Variants in KLHDC7B observed in about 807,000 individuals in gnomAD.
KLHDC7B encodes the protein kelch domain-containing protein 7B.
Under a neutral mutation model 0.6 loss-of-function variants are expected in KLHDC7B, and 1 was observed. The observed-to-expected ratio is 1.71, with a 90% CI of 0.61 to 8.11. The LOEUF is 8.11. Among genes scored for constraint, KLHDC7B ranks in the 30% most tolerant of loss-of-function variants. KLHDC7B has a pLI of 0.13. For missense variants in KLHDC7B, 993 were observed against 894.9 expected, an observed-to-expected ratio of 1.11 and a Z score of -1.40; for synonymous variants, 462 against 405.2, an observed-to-expected ratio of 1.14 and a Z score of -1.68.
rs2069768211 is a variant in KLHDC7B at position 50,548,900 on chromosome 22, T to G, written c.2657T>G (p.Leu886Arg). ...EPGLAQETYA[L>R]MSDNLLRVLG... ...GGCCTGGCGCAGGAGACCTACGCGC[T>G]GATGAGCGACAACCTGCTGCGAGTG... Residue 886 changes from leucine to arginine, a missense_variant, in exon 1 of 1, where the codon CTG becomes CGG. Coordinates refer to ENST00000648057, the MANE Select transcript of KLHDC7B (RefSeq NM_138433.5). This position sits in a 1 kb window ranked among gnomAD's most constrained non-coding sequence, Gnocchi z 5.3. 6.3e-7 allele frequency: 1 copy of G among 1,587,264 alleles called. No individual in the cohort carries two copies. The highest frequency in any genetic ancestry group is 1.3e-5 in the African/African-American group (1 of 74,274).
At position 50,549,195 on chromosome 22, in the gene KLHDC7B, G is replaced by A. The variant is rs775602194; in HGVS notation, c.2952G>A (p.Pro984=). 2.6e-5 allele frequency: 42 copies of A among 1,606,236 alleles called. No homozygotes were observed. Among genetic ancestry groups the A allele is most frequent in the Admixed American group, 3.3e-5 (2 of 59,992 alleles). Residue 984 remains proline, a synonymous_variant, in exon 1 of 1, where the codon CCG becomes CCA. Coordinates refer to ENST00000648057, the MANE Select transcript of KLHDC7B (RefSeq NM_138433.5). The part of the protein sequence containing the change: ...RPLTQVPEEA[P]LRGCGLCTMH... Reference sequence around the variant, plus strand: ...TGACCCAGGTGCCCGAGGAGGCCCCGCTTCGGGGCTGCGGTCTCTGCACCA... The same window carrying A: ...TGACCCAGGTGCCCGAGGAGGCCCCACTTCGGGGCTGCGGTCTCTGCACCA...
chr22:50,548,366 G>C lies in KLHDC7B; in HGVS notation c.2123G>C (p.Ser708Thr). 6.4e-7 allele frequency: 1 copy of C among 1,551,500 alleles called. No individual in the cohort carries two copies. The highest frequency in any genetic ancestry group is 8.7e-7 in the Non-Finnish European group (1 of 1,147,214). The part of the protein sequence containing the change: ...VEAGGQPQPR[S>T]SETNGSPSPD... ...GCTGGAGGTCAGCCACAGCCAAGAA[G>C]CTCCGAGACCAACGGATCGCCCAGC... Residue 708 changes from serine to threonine, a missense_variant, in exon 1 of 1, where the codon AGC (serine) becomes ACC (threonine). Physicochemically the swap from Ser to Thr is moderately conservative, Grantham distance 58 (BLOSUM62 1). Coordinates refer to ENST00000648057, the MANE Select transcript of KLHDC7B (RefSeq NM_138433.5). This position sits in a 1 kb window ranked among gnomAD's most constrained non-coding sequence, Gnocchi z 5.3.
rs950910982 is a variant in KLHDC7B at position 50,547,132 on chromosome 22, C to T, written c.889C>T (p.Leu297=). 1.3e-5 allele frequency among the ~76,000 whole-genome samples: 2 copies of T among 152,032 alleles called. No homozygotes were observed. Among genetic ancestry groups the T allele is most frequent in the African/African-American group, 4.8e-5 (2 of 41,434 alleles). The stretch of plus-strand genomic sequence containing the variant: ...CCCGGCGCTGCCCGCTCCCCGCGCC[C>T]TGCAGCCTGGGTCTCAGACGGAAGG... The part of the protein sequence containing the change: ...ALPALPAPRA[L]QPGSQTEGSG... Residue 297 remains leucine, a synonymous_variant, in exon 1 of 1, where the codon CTG becomes TTG. Transcript: ENST00000648057.
Position 50,549,898 on chromosome 22 carries a change from A to T in KLHDC7B, c.3655A>T (p.Ser1219Cys). Residue 1219 changes from serine (S) to cysteine (C), a missense_variant, in exon 1 of 1, where the codon AGT (serine) becomes TGT (cysteine). Coordinates refer to ENST00000648057, the MANE Select transcript of KLHDC7B (RefSeq NM_138433.5). ...CCCCTTGGGGAGCACCGGGGTCCTC[A>T]GTCCATTCATCCTGACTCTGCCCCC... is the stretch of plus-strand genomic sequence containing the variant. ...PFPLGSTGVL[S>C]PFILTLPPED... The T allele has an allele frequency of 6.3e-7, 1 of 1,590,066 alleles. No individual in the cohort carries two copies. The highest frequency in any genetic ancestry group is 8.6e-7 in the Non-Finnish European group (1 of 1,166,748).
rs1220068096 is a variant in KLHDC7B at position 50,545,965 on chromosome 22, G to A, written c.-279G>A. On this transcript the variant is annotated 5_prime_UTR_variant, in exon 1 of 1. Coordinates refer to ENST00000648057, the MANE Select transcript of KLHDC7B (RefSeq NM_138433.5). ...GCTGCCTGAGGACCCTGGGGCCTAC[G>A]AGGAGGAGAAGAGGGCAGGAGCTGG... Among the ~76,000 whole-genome samples the A allele has an allele frequency of 1.4e-5, 2 of 141,690 alleles. No homozygotes were observed. Among genetic ancestry groups the A allele is most frequent in the Admixed American group, 1.4e-4 (2 of 13,970 alleles). 93.0% of individuals were successfully genotyped at this position (141,690 alleles called of 152,430 possible).
Position 50,549,402 on chromosome 22 carries a change from C to A in KLHDC7B, c.3159C>A (p.Gly1053=), listed in dbSNP as rs769685749. The change falls in exon 1 of 1, where the codon GGC becomes GGA. Residue 1053 remains glycine, a synonymous_variant. Transcript: ENST00000648057. ...ACGGGCTGCTCTATGCCATCGGTGG[C>A]GAATGCCTGTACAGCATGGAGTGCT... ...ALDGLLYAIG[G]ECLYSMECYD... 7.8e-5 allele frequency: 126 copies of A among 1,612,734 alleles called. No individual in the cohort carries two copies. The highest frequency in any genetic ancestry group is 5.0e-4 in the Middle Eastern group (3 of 6,060).
rs200266688 is a variant in KLHDC7B, at chr22:50,549,587, A to G, written c.3344A>G (p.Asp1115Gly). The G allele has an allele frequency of 1.5e-5, 24 of 1,572,284 alleles. No individual in the cohort carries two copies. The African/African-American group carries it at 2.6e-4, about 17-fold the overall frequency. ...TACAGCCCCGTGAAGGATGCTTGGG[A>G]CGAGTGCCCATACAGTGCCAGCCAC... is the stretch of plus-strand genomic sequence containing the variant. ...LRYSPVKDAW[D>G]ECPYSASHRR... Residue 1115 changes from aspartate to glycine, a missense_variant, in exon 1 of 1, where the codon GAC (aspartate) becomes GGC (glycine). Asp to Gly is a moderately conservative substitution (Grantham distance 94). Transcript: ENST00000648057.
At position 50,548,629 on chromosome 22, in the gene KLHDC7B, C is replaced by G. The variant is rs758786313; in HGVS notation, c.2386C>G (p.Gln796Glu). The G allele has an allele frequency of 7.8e-5, 120 of 1,536,710 alleles. No homozygotes were observed. In the East Asian group the frequency reaches 2.9e-3, roughly 38 times the overall value. ...EVRPAASGDP[Q>E]GEAPGEGGSP... ...CAGGCCGGCCGCCTCGGGGGACCCT[C>G]AAGGGGAGGCGCCGGGGGAGGGGGG... The change falls in exon 1 of 1, where the codon CAA (glutamine) becomes GAA (glutamate). Residue 796 changes from glutamine (Q) to glutamate (E), a missense_variant. Transcript: ENST00000648057. This position sits in a 1 kb window ranked among gnomAD's most constrained non-coding sequence, Gnocchi z 5.3.
In KLHDC7B at chr22:50,549,408, C is replaced by T. The variant is rs574329986; in HGVS notation, c.3165C>T (p.Cys1055=). 2.7e-5 allele frequency: 44 copies of T among 1,612,780 alleles called. No homozygotes were observed. The South Asian group carries it at 4.5e-4, about 16-fold the overall frequency. ...DGLLYAIGGE[C]LYSMECYDPR... is the part of the protein sequence containing the mutation. The stretch of plus-strand genomic sequence containing the variant: ...TGCTCTATGCCATCGGTGGCGAATG[C>T]CTGTACAGCATGGAGTGCTACGACC... Residue 1055 remains cysteine (C), a synonymous_variant, in exon 1 of 1, where the codon TGC becomes TGT. Coordinates refer to ENST00000648057, the MANE Select transcript of KLHDC7B (RefSeq NM_138433.5).
Position 50,549,183 on chromosome 22 carries a change from C to T in KLHDC7B, c.2940C>T (p.Pro980=), listed in dbSNP as rs936152082. The change falls in exon 1 of 1, where the codon CCC becomes CCT. Residue 980 remains proline (P), a synonymous_variant. Transcript: ENST00000648057. Reference sequence around the variant, plus strand: ...CCTGGCGGCCCCTGACCCAGGTGCCCGAGGAGGCCCCGCTTCGGGGCTGCG... The same window carrying T: ...CCTGGCGGCCCCTGACCCAGGTGCCTGAGGAGGCCCCGCTTCGGGGCTGCG... The part of the protein sequence containing the change: ...ENTWRPLTQV[P]EEAPLRGCGL... 12 of 1,605,538 alleles carry T rather than the reference C, an allele frequency of 7.5e-6. No individual in the cohort carries two copies. The highest frequency in any genetic ancestry group is 1.0e-5 in the Non-Finnish European group (12 of 1,179,692).
rs1312568150 is a variant in KLHDC7B, at chr22:50,548,492, C to G, written c.2249C>G (p.Ala750Gly). The G allele has an allele frequency of 6.4e-7, 1 of 1,564,582 alleles. No individual in the cohort carries two copies. The highest frequency in any genetic ancestry group is 1.9e-5 in the Admixed American group (1 of 52,406). ...AMPRGPAQPP[A>G]QRPPGPAASS... ...CCCAGGGGCCCCGCACAGCCCCCCG[C>G]GCAGAGGCCGCCTGGCCCCGCGGCC... The change falls in exon 1 of 1, where the codon GCG (alanine) becomes GGG (glycine). Residue 750 changes from alanine to glycine, a missense_variant. Ala to Gly is a moderately conservative substitution (Grantham distance 60). Transcript: ENST00000648057. The surrounding 1 kb of genome is among the most constrained non-coding windows in gnomAD (Gnocchi z 5.3).
chr22:50,548,620 G>A lies in KLHDC7B; in HGVS notation c.2377G>A (p.Gly793Arg). 1 of 1,542,994 alleles carries A rather than the reference G, an allele frequency of 6.5e-7. No homozygotes were observed. ...GCAGGAGGTCAGGCCGGCCGCCTCG[G>A]GGGACCCTCAAGGGGAGGCGCCGGG... ...SEQEVRPAAS[G>R]DPQGEAPGEG... Residue 793 changes from glycine to arginine, a missense_variant, in exon 1 of 1, where the codon GGG (glycine) becomes AGG (arginine). Gly to Arg is a moderately radical substitution (Grantham distance 125). Coordinates refer to ENST00000648057, the MANE Select transcript of KLHDC7B (RefSeq NM_138433.5). This position sits in a 1 kb window ranked among gnomAD's most constrained non-coding sequence, Gnocchi z 5.3.
chr22:50,549,401 G>A lies in KLHDC7B; in HGVS notation c.3158G>A (p.Gly1053Asp). ...GACGGGCTGCTCTATGCCATCGGTG[G>A]CGAATGCCTGTACAGCATGGAGTGC... ...ALDGLLYAIGGECLYSMECYD... is the reference protein window; with the variant it reads ...ALDGLLYAIGDECLYSMECYD... The change falls in exon 1 of 1, where the codon GGC (glycine) becomes GAC (aspartate). Residue 1053 changes from glycine (G) to aspartate (D), a missense_variant. Coordinates refer to ENST00000648057, the MANE Select transcript of KLHDC7B (RefSeq NM_138433.5). The A allele has an allele frequency of 6.2e-7, 1 of 1,612,772 alleles. No homozygotes were observed.
In KLHDC7B at chr22:50,546,895, G is replaced by T. The variant is rs905051371; in HGVS notation, c.652G>T (p.Ala218Ser). Among the ~76,000 whole-genome samples the T allele has an allele frequency of 6.6e-6, 1 of 151,984 alleles. No homozygotes were observed. Among genetic ancestry groups the T allele is most frequent in the African/African-American group, 2.4e-5 (1 of 41,408 alleles). ...QQDTGPWQAG[A>S]GPSGSMGRGR... Reference sequence around the variant, plus strand: ...GGACACTGGCCCCTGGCAGGCGGGCGCGGGGCCCTCGGGCTCGATGGGGAG... The same window carrying T: ...GGACACTGGCCCCTGGCAGGCGGGCTCGGGGCCCTCGGGCTCGATGGGGAG... Residue 218 changes from alanine (A) to serine (S), a missense_variant, in exon 1 of 1, where the codon GCG (alanine) becomes TCG (serine). By Grantham distance (99) the Ala-to-Ser change is moderately conservative. Transcript: ENST00000648057.
rs773683142 is a variant in KLHDC7B at position 50,549,616 on chromosome 22, C to T, written c.3373C>T (p.Arg1125Cys). ...DECPYSASHRRSSDIVALGGF... is the reference protein window; with the variant it reads ...DECPYSASHRCSSDIVALGGF... ...GTGCCCATACAGTGCCAGCCACCGG[C>T]GTTCCAGCGACATCGTGGCACTGGG... Residue 1125 changes from arginine (R) to cysteine (C), a missense_variant, in exon 1 of 1, where the codon CGT (arginine) becomes TGT (cysteine). Arg to Cys is a radical substitution (Grantham distance 180). Transcript: ENST00000648057. 12 of 1,557,912 alleles carry T rather than the reference C, an allele frequency of 7.7e-6. No individual in the cohort carries two copies. The African/African-American group carries it at 8.1e-5, about 11-fold the overall frequency.
chr22:50,548,484 GC>G lies in KLHDC7B; in HGVS notation c.324del (p.Ala109ArgfsTer137). The G allele has an allele frequency of 1.3e-6, 2 of 1,570,270 alleles. No homozygotes were observed. The highest frequency in any genetic ancestry group is 1.9e-5 in the Admixed American group (1 of 53,214). ...CCGCGATGCCCAGGGGCCCCGCACA[GC>G]CCCCCGCGCAGAGGCCGCCTGGCCC... On this transcript the variant is annotated frameshift_variant, in exon 1 of 1. Coordinates refer to the KLHDC7B transcript ENST00000395676. LOFTEE classifies it low-confidence loss of function (END_TRUNC). The surrounding 1 kb of genome is among the most constrained non-coding windows in gnomAD (Gnocchi z 5.3).
In KLHDC7B at chr22:50,548,976, C is replaced by T. The variant is rs1207836620; in HGVS notation, c.2733C>T (p.Arg911=). ...GGCTGAGCGCGGCCGACCGCGAGCGCATCCTCAGCCTGCGGACCGGCCGGG... is the reference window on the plus strand; with the variant it reads ...GGCTGAGCGCGGCCGACCGCGAGCGTATCCTCAGCCTGCGGACCGGCCGGG... ...YRRLSAADRE[R]ILSLRTGRGR... Residue 911 remains arginine, a synonymous_variant, in exon 1 of 1, where the codon CGC becomes CGT. Coordinates refer to ENST00000648057, the MANE Select transcript of KLHDC7B (RefSeq NM_138433.5). The surrounding 1 kb of genome is among the most constrained non-coding windows in gnomAD (Gnocchi z 5.3). The T allele has an allele frequency of 6.3e-7, 1 of 1,598,418 alleles. No homozygotes were observed. Among genetic ancestry groups the T allele is most frequent in the African/African-American group, 1.3e-5 (1 of 74,666 alleles).
rs776647143 is a variant in KLHDC7B, at chr22:50,549,032, C to G, written c.2789C>G (p.Pro930Arg). Residue 930 changes from proline (P) to arginine (R), a missense_variant, in exon 1 of 1, where the codon CCC becomes CGC. Pro to Arg is a moderately radical substitution (Grantham distance 103). Coordinates refer to ENST00000648057, the MANE Select transcript of KLHDC7B (RefSeq NM_138433.5). ...GRAVLGVLVLPSLYQGGRSGL... is the reference protein window; with the variant it reads ...GRAVLGVLVLRSLYQGGRSGL... Reference sequence around the variant, plus strand: ...GCGGTGCTGGGCGTCCTCGTACTGCCCAGCCTCTACCAGGGGGGCCGCTCA... The same window carrying G: ...GCGGTGCTGGGCGTCCTCGTACTGCGCAGCCTCTACCAGGGGGGCCGCTCA... 1.9e-6 allele frequency: 3 copies of G among 1,596,282 alleles called. No homozygotes were observed. The highest frequency in any genetic ancestry group is 2.5e-6 in the Non-Finnish European group (3 of 1,177,002).
rs1303399384 is a variant in KLHDC7B, at chr22:50,548,977, A to G, written c.2734A>G (p.Ile912Val). The G allele has an allele frequency of 1.3e-6, 2 of 1,598,784 alleles. No individual in the cohort carries two copies. The highest frequency in any genetic ancestry group is 1.7e-6 in the Non-Finnish European group (2 of 1,174,980). ...GCTGAGCGCGGCCGACCGCGAGCGC[A>G]TCCTCAGCCTGCGGACCGGCCGGGG... Reference protein sequence around the residue: ...RRLSAADRERILSLRTGRGRA... With the variant: ...RRLSAADRERVLSLRTGRGRA... Residue 912 changes from isoleucine (I) to valine (V), a missense_variant, in exon 1 of 1, where the codon ATC (isoleucine) becomes GTC (valine). Ile to Val is a conservative substitution (Grantham distance 29). Transcript: ENST00000648057. This position sits in a 1 kb window ranked among gnomAD's most constrained non-coding sequence, Gnocchi z 5.3.
Sources: gnomAD v4.1 joint callset for allele counts (sites outside exome capture counted in the v4.1 genomes callset) on GRCh38, gnomAD v4.1.1 for gene constraint, Gnocchi (gnomAD v3.1) non-coding constraint, MANE v1.5 for transcripts, NCBI Gene and HGNC (gene_info 2026-07-23, HGNC 2026-07-21) for gene names.